Variants in DLC1 observed in about 807,000 individuals in gnomAD.
The protein encoded by DLC1 is rho GTPase-activating protein 7.
In DLC1, 54 loss-of-function variants were observed where a neutral mutation model predicts 140.3. The observed-to-expected ratio is 0.38, with a 90% CI of 0.31 to 0.48. The LOEUF is 0.48. Ranked by LOEUF, DLC1 falls within the 20% of genes least tolerant of loss-of-function variation. The pLI is 0.96. For synonymous variants in DLC1, 986 were observed against 728.1 expected, an observed-to-expected ratio of 1.35 and a Z score of -5.70; for missense variants, 2,536 against 1,907.0, an observed-to-expected ratio of 1.33 and a Z score of -6.14.
intron 1 of DLC1, among the ~76,000 whole-genome samples, chr8:13,586,669 C>T (rs1020167477): frequency 3.4e-5 from 5 of 146,104 alleles, no homozygotes; most frequent in Non-Finnish European, 7.6e-5. Flanking sequence ...ACAGAGAGAC[C>T]CAACGGTACC....
At chr8:13,223,350 T>A (rs932625227) in intron 5 of DLC1, among the ~76,000 whole-genome samples, 1 of 152,218 alleles carries the variant, frequency 6.6e-6, no homozygotes, top group Admixed American at 6.5e-5. Context: ...GTAATCTAGC[T>A]GTACTTTTCT....
chr8:13,391,900 G>C (rs77673308), intron 4 of DLC1, among the ~76,000 whole-genome samples: 1 of 92,866 alleles, frequency 1.1e-5, no homozygotes, highest in Admixed American at 1.0e-4. Context: ...CCCCAATGTT[G>C]AAAAAAAAGA....
chr8:13,580,354 C>G (rs971938735), intron 1 of DLC1, among the ~76,000 whole-genome samples: 1 of 152,142 alleles, frequency 6.6e-6, no homozygotes, highest in Non-Finnish European at 1.5e-5. Flanking sequence ...ATCGCCTGAC[C>G]TCGTGATCTG....
chr8:13,426,228 T>A (rs901596464), intron 2 of DLC1, among the ~76,000 whole-genome samples: 1 of 152,116 alleles, frequency 6.6e-6, no homozygotes, highest in African/African-American at 2.4e-5. Context: ...TCTTTTGATA[T>A]AGGGAAATTA....
chr8:13,458,048 T>C (rs1335541466), intron 2 of DLC1, among the ~76,000 whole-genome samples: 6 of 152,160 alleles, frequency 3.9e-5, no homozygotes, highest in Non-Finnish European at 8.8e-5. Context: ...ACTGAGAGTA[T>C]GTGAAAATTA....
At chr8:13,371,545 G>A (rs142592741) in intron 4 of DLC1, among the ~76,000 whole-genome samples, 48 of 151,370 alleles carry the variant, frequency 3.2e-4, no homozygotes, top group African/African-American at 9.7e-4. Flanking sequence ...TCAAACATGC[G>A]GTGGACTTTT....
chr8:13,375,995 T>A (rs1193976148), intron 4 of DLC1, among the ~76,000 whole-genome samples: 1 of 152,194 alleles, frequency 6.6e-6, no homozygotes. Context: ...TTTCTCCTAA[T>A]ATTTTCACAT....
At chr8:13,086,204 T>C (rs2128925105) in intron 17 of DLC1, 86 bp downstream of exon 17, 1 of 1,504,716 alleles carries the variant, frequency 6.6e-7, no homozygotes, top group Non-Finnish European at 8.9e-7. Context: ...ATGACGTGTT[T>C]GTTTAAGGCA....
chr8:13,321,468 G>A (rs557076652), intron 4 of DLC1, among the ~76,000 whole-genome samples: 1 of 132,278 alleles, frequency 7.6e-6, no homozygotes, highest in East Asian at 2.6e-4. Context: ...AACCCAGGAG[G>A]CAGAAGTTGC....
chr8:13,594,231 ACTGT>A (rs1294660684), intron 1 of DLC1, among the ~76,000 whole-genome samples: 5 of 152,102 alleles, frequency 3.3e-5, no homozygotes, highest in Admixed American at 2.6e-4. Flanking sequence ...CAAATATAAG[ACTGT>A]CTGATTCCAA....
chr8:13,569,908 C>G (rs1247300899), intron 1 of DLC1, among the ~76,000 whole-genome samples: 1 of 152,078 alleles, frequency 6.6e-6, no homozygotes. Flanking sequence ...TTTGTATTTT[C>G]AGTAGAGAAA....
intron 1 of DLC1, among the ~76,000 whole-genome samples, chr8:13,507,943 A>T (rs773814028): frequency 2.0e-5 from 3 of 152,138 alleles, no homozygotes; most frequent in Non-Finnish European, 4.4e-5. Flanking sequence ...TTTATTGTTA[A>T]CCCATTTTTA....
At chr8:13,231,458 T>C (rs1057118767) in intron 5 of DLC1, among the ~76,000 whole-genome samples, 12 of 152,232 alleles carry the variant, frequency 7.9e-5, no homozygotes, top group African/African-American at 2.9e-4. Flanking sequence ...TCTATTCCTG[T>C]ATATTTTACA....
intron 1 of DLC1, among the ~76,000 whole-genome samples, chr8:13,535,227 A>T (rs1803236948): frequency 1.3e-5 from 2 of 152,154 alleles, no homozygotes; most frequent in Admixed American, 1.3e-4. Flanking sequence ...CTAAATAGTC[A>T]TGTGTACATC....
chr8:13,098,986 T>C (rs948023560), intron 9 of DLC1, among the ~76,000 whole-genome samples: 2 of 151,398 alleles, frequency 1.3e-5, no homozygotes, highest in African/African-American at 4.8e-5. Context: ...TAGGAACTGA[T>C]AGGACTTGAT....
intron 5 of DLC1, among the ~76,000 whole-genome samples, chr8:13,264,907 G>T (rs551781614): frequency 9.1e-4 from 138 of 152,272 alleles, no homozygotes; most frequent in Admixed American, 5.0e-3. Context: ...GGATACAACT[G>T]CATGGCCCAT....
At chr8:13,501,995 A>G (rs921815625) in intron 1 of DLC1, among the ~76,000 whole-genome samples, 15 of 152,282 alleles carry the variant, frequency 9.9e-5, no homozygotes, top group African/African-American at 3.6e-4. Context: ...AGAAATACCA[A>G]GTGGTATTAC....
At chr8:13,098,058 A>T (rs888743016) in intron 10 of DLC1, among the ~76,000 whole-genome samples, 2 of 130,678 alleles carry the variant, frequency 1.5e-5, no homozygotes, top group Non-Finnish European at 3.3e-5. Context: ...AAAAAAAAAA[A>T]GCTAGCCGGG....
intron 5 of DLC1, among the ~76,000 whole-genome samples, chr8:13,128,863 T>C (rs1271516531): frequency 6.1e-5 from 6 of 98,096 alleles, no homozygotes; most frequent in African/African-American, 2.3e-4. Flanking sequence ...AAAGAAAATA[T>C]ATAAGCTTAA....
Sources: gnomAD v4.1 joint callset for allele counts (sites outside exome capture counted in the v4.1 genomes callset) on GRCh38, gnomAD v4.1.1 for gene constraint, MANE v1.5 for transcripts, NCBI Gene and HGNC (gene_info 2026-07-23, HGNC 2026-07-21) for gene names.